Variants in TLL1 observed in about 807,000 individuals in gnomAD.
TLL1 encodes tolloid-like protein 1.
Under a neutral mutation model 128.2 loss-of-function variants are expected in TLL1, and 49 were observed. The observed-to-expected ratio is 0.38, with a 90% CI of 0.30 to 0.48. The LOEUF (loss-of-function observed/expected upper bound fraction) is 0.48, where lower values mean the gene tolerates loss of function less well. Among genes scored for constraint, TLL1 ranks in the 20% least tolerant of loss-of-function variants. The probability of loss-of-function intolerance (pLI) is 0.96; values close to 1 mark genes in which losing one functional copy is unlikely to be tolerated. For missense variants in TLL1, 1,123 were observed against 1,242.0 expected, an observed-to-expected ratio of 0.90 and a Z score of 1.44; for synonymous variants, 454 against 418.8, an observed-to-expected ratio of 1.08 and a Z score of -1.03.
chr4:166,036,421 A>G (rs1739004350), intron 9 of TLL1, among the ~76,000 whole-genome samples: 1 of 152,228 alleles, frequency 6.6e-6, no homozygotes, highest in South Asian at 2.1e-4. Context: ...TACTTACGTC[A>G]AAAATAAAAT....
At chr4:165,950,916 C>G (rs1413168674) in intron 1 of TLL1, among the ~76,000 whole-genome samples, 1 of 151,988 alleles carries the variant, frequency 6.6e-6, no homozygotes, top group Non-Finnish European at 1.5e-5. Flanking sequence ...AAGCAAAAGT[C>G]ATTTAAGCTC....
intron 6 of TLL1, among the ~76,000 whole-genome samples, chr4:166,007,683 T>A (rs1315053223): frequency 6.6e-6 from 1 of 151,746 alleles, no homozygotes; most frequent in Admixed American, 6.6e-5. Context: ...TAAAAGAGCA[T>A]ACATATAAAA....
At chr4:166,000,597 A>G (rs1345028580) in intron 5 of TLL1, among the ~76,000 whole-genome samples, 2 of 152,204 alleles carry the variant, frequency 1.3e-5, no homozygotes, top group East Asian at 3.9e-4. Flanking sequence ...GAATAAAGCC[A>G]GTAAGAATGA....
At chr4:165,975,954 C>T (rs1735857376) in intron 1 of TLL1, among the ~76,000 whole-genome samples, 1 of 135,728 alleles carries the variant, frequency 7.4e-6, no homozygotes, top group South Asian at 2.4e-4. Flanking sequence ...AGGAGAATTG[C>T]TGGAATCCGG....
At chr4:166,005,596 ACT>A (rs1435693658) in intron 6 of TLL1, among the ~76,000 whole-genome samples, 16 of 151,980 alleles carry the variant, frequency 1.1e-4, no homozygotes, top group Non-Finnish European at 1.5e-4. Flanking sequence ...TATATAGAAG[ACT>A]CTAATGAATG....
chr4:166,086,706 C>T (rs74366640), intron 18 of TLL1, among the ~76,000 whole-genome samples: 2,176 of 152,138 alleles, frequency 0.014, 57 homozygotes, highest in African/African-American at 0.049. Context: ...TAAAGCAAAT[C>T]GCTAAGTCTG....
At chr4:165,927,219 A>G (rs536111362) in intron 1 of TLL1, among the ~76,000 whole-genome samples, 1 of 152,360 alleles carries the variant, frequency 6.6e-6, no homozygotes, top group Non-Finnish European at 1.5e-5. Flanking sequence ...AAGCAAATGA[A>G]GGACATTCAA....
At chr4:166,043,579 G>GTT (rs201361754) in intron 12 of TLL1, among the ~76,000 whole-genome samples, 160 bp downstream of exon 12, 1 of 151,936 alleles carries the variant, frequency 6.6e-6, no homozygotes, top group East Asian at 1.9e-4. Context: ...GAGCAAAAGG[G>GTT]TTTTTTTTCT....
At chr4:166,032,633 T>C (rs1738822371) in intron 9 of TLL1, among the ~76,000 whole-genome samples, 1 of 152,136 alleles carries the variant, frequency 6.6e-6, no homozygotes, top group African/African-American at 2.4e-5. Flanking sequence ...AAAGGATATG[T>C]GAAAAAATTA....
chr4:166,047,551 G>T (rs1226154757), intron 12 of TLL1, among the ~76,000 whole-genome samples: 214 of 150,812 alleles, frequency 1.4e-3, no homozygotes, highest in Non-Finnish European at 2.6e-3. Context: ...TAAGGACCAT[G>T]AAGATAAACT....
At chr4:166,038,238 CTTCT>C (rs1274802565) in intron 9 of TLL1, among the ~76,000 whole-genome samples, 1 of 151,736 alleles carries the variant, frequency 6.6e-6, no homozygotes, top group Non-Finnish European at 1.5e-5. Flanking sequence ...GCCTTTCTTT[CTTCT>C]TTTTTTCTTC....
rs201069443 is a variant in TLL1, at chr4:166,100,885, C to T, written c.*9C>T. ...CACATACCAAAAAATAACACCAAAA[C>T]CTCTGTCAGAACACAAAGGAATGTG... On this transcript the variant is annotated 3_prime_UTR_variant, in exon 21 of 21. Coordinates refer to ENST00000061240, the MANE Select transcript of TLL1 (RefSeq NM_012464.5). 1.0e-4 allele frequency: 167 copies of T among 1,612,058 alleles called. No individual in the cohort carries two copies. The African/African-American group carries it at 1.8e-3, about 18-fold the overall frequency.
intron 1 of TLL1, among the ~76,000 whole-genome samples, chr4:165,961,496 G>T (rs1361811732): frequency 6.6e-6 from 1 of 152,050 alleles, no homozygotes; most frequent in East Asian, 1.9e-4. Context: ...AACCCCAAAA[G>T]AGCCTAAATA....
At chr4:166,080,746 T>G (rs1178324176) in intron 18 of TLL1, among the ~76,000 whole-genome samples, 1 of 152,200 alleles carries the variant, frequency 6.6e-6, no homozygotes, top group Non-Finnish European at 1.5e-5. Context: ...GATTGGGTTT[T>G]CTTGCCCTAT....
rs189025734 is a variant in TLL1, at chr4:165,902,987, A to G, written c.169+28914A>G. Among the ~76,000 whole-genome samples the G allele has an allele frequency of 3.9e-5, 6 of 152,324 alleles. No homozygotes were observed. In the East Asian group the frequency reaches 1.2e-3, roughly 29 times the overall value. ...ATAATTGATAAATTATACTTCATCA[A>G]AATTAAGTTCTGCTCATCAAAATTA... On this transcript the variant is annotated intron_variant, in intron 1 of 20. Transcript: ENST00000061240.
chr4:166,032,263 C>T (rs923263025), intron 9 of TLL1, among the ~76,000 whole-genome samples: 1 of 152,038 alleles, frequency 6.6e-6, no homozygotes, highest in African/African-American at 2.4e-5. Context: ...TGTAGTATTA[C>T]AAATTATCAG....
intron 6 of TLL1, 138 bp from the exon 7 acceptor site, chr4:166,007,805 C>G: frequency 1.5e-6 from 1 of 681,220 alleles, no homozygotes; most frequent in Non-Finnish European, 2.7e-6. Context: ...TCTGCATGTG[C>G]CTGTGTGTTT....
chr4:166,071,716 T>G (rs1443509592), intron 16 of TLL1, among the ~76,000 whole-genome samples: 1 of 151,978 alleles, frequency 6.6e-6, no homozygotes, highest in African/African-American at 2.4e-5. Flanking sequence ...CAGAAGTTAA[T>G]TATGTTTGCT....
chr4:166,083,471 T>A (rs1315961927), intron 18 of TLL1, among the ~76,000 whole-genome samples: 1 of 122,898 alleles, frequency 8.1e-6, no homozygotes, highest in Non-Finnish European at 1.9e-5. Flanking sequence ...TGTATGATAG[T>A]TCTATTGAAT....
Sources: allele counts gnomAD v4.1 joint callset (sites outside exome capture counted in the v4.1 genomes callset), GRCh38; gene constraint gnomAD v4.1.1; transcripts MANE v1.5; gene names NCBI Gene and HGNC (gene_info 2026-07-23, HGNC 2026-07-21).